Variants in PLXDC2 observed in about 807,000 individuals in gnomAD.
The protein encoded by PLXDC2 is plexin domain-containing protein 2.
A neutral mutation model predicts 68.9 loss-of-function variants in PLXDC2; 40 were observed. The ratio of observed to expected loss-of-function variants is 0.58; its 90% confidence interval spans 0.45 to 0.76. PLXDC2 has a LOEUF of 0.76. PLXDC2 is among the 30% of genes least tolerant of loss of function. The pLI is 0.00. For missense variants in PLXDC2, 644 were observed against 661.9 expected, an observed-to-expected ratio of 0.97 and a Z score of 0.30; for synonymous variants, 243 against 234.2, an observed-to-expected ratio of 1.04 and a Z score of -0.34.
chr10:20,251,714 TA>T (rs1342505103), intron 13 of PLXDC2, among the ~76,000 whole-genome samples: 1 of 152,172 alleles, frequency 6.6e-6, no homozygotes, highest in African/African-American at 2.4e-5. Context: ...GAAAGGATTC[TA>T]TTTGGACTAT....
chr10:20,092,434 A>G (rs1430956348), intron 4 of PLXDC2, among the ~76,000 whole-genome samples: 2 of 152,152 alleles, frequency 1.3e-5, no homozygotes, highest in African/African-American at 4.8e-5. Flanking sequence ...ACCTATAGTA[A>G]GTGCTCAGTT....
Position 20,148,005 on chromosome 10 carries a change from T to C in PLXDC2, c.783+103T>C, listed in dbSNP as rs1589653289. On this transcript the variant is annotated intron_variant, in intron 6 of 13. Transcript: ENST00000377252. Reference sequence around the variant, plus strand: ...ACATTTTACAGCCATGATCCTCAAATCATTTTCTTGCCTCTTGGTTTCCTT... The same window carrying C: ...ACATTTTACAGCCATGATCCTCAAACCATTTTCTTGCCTCTTGGTTTCCTT... The C allele has an allele frequency of 8.4e-5, 68 of 808,346 alleles. No homozygotes were observed. The South Asian group carries it at 1.0e-3, about 12-fold the overall frequency. 50.1% of individuals were successfully genotyped at this position (808,346 alleles called of 1,614,324 possible).
intron 1 of PLXDC2, among the ~76,000 whole-genome samples, chr10:19,846,768 A>G (rs1837016871): frequency 6.6e-6 from 1 of 152,164 alleles, no homozygotes; most frequent in Non-Finnish European, 1.5e-5. Flanking sequence ...TCAAGTGGCC[A>G]TCTCAGACGT....
chr10:20,172,648 T>G (rs1309800629), intron 7 of PLXDC2, among the ~76,000 whole-genome samples: 3 of 152,118 alleles, frequency 2.0e-5, no homozygotes, highest in Non-Finnish European at 4.4e-5. Context: ...CAGGGCAAAG[T>G]AATTATCAAA....
chr10:20,026,944 ATATAT>A (rs1434507420), intron 2 of PLXDC2, among the ~76,000 whole-genome samples: 3 of 18,926 alleles, frequency 1.6e-4, no homozygotes, highest in Non-Finnish European at 2.9e-4. Flanking sequence ...CACTTTTATA[ATATAT>A]TCTAATATAT....
intron 1 of PLXDC2, among the ~76,000 whole-genome samples, chr10:19,879,164 A>G (rs1837684523): frequency 1.3e-5 from 2 of 152,200 alleles, no homozygotes; most frequent in African/African-American, 4.8e-5. Context: ...AGGGGACTAA[A>G]GCAATGATAG....
At chr10:19,944,778 C>T (rs1833874316) in intron 1 of PLXDC2, among the ~76,000 whole-genome samples, 1 of 152,114 alleles carries the variant, frequency 6.6e-6, no homozygotes, top group Non-Finnish European at 1.5e-5. Context: ...TGATGAAACC[C>T]CGTTTCTACT....
At chr10:19,995,378 G>T (rs572439083) in intron 1 of PLXDC2, among the ~76,000 whole-genome samples, 1 of 152,310 alleles carries the variant, frequency 6.6e-6, no homozygotes, top group East Asian at 1.9e-4. Context: ...TTTCAGCAAT[G>T]AATTGTTATA....
chr10:20,054,122 C>T (rs886136618), intron 3 of PLXDC2, among the ~76,000 whole-genome samples: 1 of 151,824 alleles, frequency 6.6e-6, no homozygotes, highest in Non-Finnish European at 1.5e-5. Context: ...AAAATTTGGC[C>T]AAGAGCAGAG....
At chr10:19,977,970 C>G (rs545596568) in intron 1 of PLXDC2, among the ~76,000 whole-genome samples, 1 of 152,264 alleles carries the variant, frequency 6.6e-6, no homozygotes, top group Admixed American at 6.5e-5. Flanking sequence ...AGATAATATG[C>G]CTCCAGTTTT....
intron 1 of PLXDC2, among the ~76,000 whole-genome samples, chr10:19,846,311 C>G (rs1040921096): frequency 9.9e-5 from 15 of 152,000 alleles, no homozygotes; most frequent in African/African-American, 3.6e-4. Context: ...CTCCATTAAT[C>G]CCCTGTGATT....
intron 4 of PLXDC2, among the ~76,000 whole-genome samples, chr10:20,123,692 A>G (rs1342629970): frequency 6.6e-6 from 1 of 151,696 alleles, no homozygotes; most frequent in African/African-American, 2.4e-5. Context: ...CACGGAGGGA[A>G]GGGGTTCGGG....
chr10:20,154,921 C>A (rs768597386), intron 6 of PLXDC2, among the ~76,000 whole-genome samples: 4 of 151,966 alleles, frequency 2.6e-5, no homozygotes, highest in African/African-American at 9.7e-5. Flanking sequence ...ACTGGCTTAG[C>A]CCAGGAGTCA....
intron 1 of PLXDC2, among the ~76,000 whole-genome samples, chr10:19,956,093 G>T (rs12773090): frequency 0.22 from 33,536 of 151,712 alleles, 4,430 homozygotes; most frequent in East Asian, 0.46. Flanking sequence ...AAAAATTCTC[G>T]TAATTTTCTA....
intron 1 of PLXDC2, among the ~76,000 whole-genome samples, chr10:19,895,199 ATCTAAGAGGATGAT>A (rs1315509934): frequency 2.0e-5 from 3 of 152,172 alleles, no homozygotes; most frequent in Non-Finnish European, 4.4e-5. Context: ...TCATAATTGT[ATCTAAGAGGATGAT>A]GATGGGTCTG....
At chr10:19,829,524 G>A (rs1836645716) in intron 1 of PLXDC2, among the ~76,000 whole-genome samples, 1 of 151,988 alleles carries the variant, frequency 6.6e-6, no homozygotes, top group African/African-American at 2.4e-5. Context: ...CCAGGCACGG[G>A]GGCTCATGCC....
chr10:19,991,235 A>C (rs546616865), intron 1 of PLXDC2, among the ~76,000 whole-genome samples: 26 of 146,300 alleles, frequency 1.8e-4, no homozygotes, highest in African/African-American at 6.7e-4. Flanking sequence ...AACAAGACCG[A>C]AACTCTCTCT....
rs1835402325 is a variant in PLXDC2 at position 20,026,319 on chromosome 10, C to A, written c.325-20550C>A. ...GTCCTAATAGTGAATGACATTTAAT[C>A]TAAAAAGGCAGCTGGTTGGCATTTC... is the stretch of plus-strand genomic sequence containing the variant. On this transcript the variant is annotated intron_variant, in intron 2 of 13. Coordinates refer to ENST00000377252, the MANE Select transcript of PLXDC2 (RefSeq NM_032812.9). 1.3e-5 allele frequency among the ~76,000 whole-genome samples: 2 copies of A among 151,872 alleles called. 1 individual carries two copies. The highest frequency in any genetic ancestry group is 4.1e-4 in the South Asian group (2 of 4,822).
Position 20,213,838 on chromosome 10 carries a change from G to A in PLXDC2, c.1122+2109G>A, listed in dbSNP as rs141007318. Among the ~76,000 whole-genome samples the A allele has an allele frequency of 4.3e-3, 650 of 152,118 alleles. 12 individuals are homozygous for A. The highest frequency in any genetic ancestry group is 1.7e-3 in the East Asian group (9 of 5,174). On this transcript the variant is annotated intron_variant, in intron 10 of 13. Transcript: ENST00000377252. The stretch of plus-strand genomic sequence containing the variant: ...TCAAGCTTGATAAATGTACTCTTCA[G>A]CTATACTTCTCCACTCTCTTTATTT...
Sources: gnomAD v4.1 joint callset for allele counts (sites outside exome capture counted in the v4.1 genomes callset) on GRCh38, gnomAD v4.1.1 for gene constraint, MANE v1.5 for transcripts, NCBI Gene and HGNC (gene_info 2026-07-23, HGNC 2026-07-21) for gene names.